PRMT7: variants seen among roughly 807,000 people sequenced by gnomAD.
PRMT7 encodes protein arginine methyltransferase 7, also known as protein arginine N-methyltransferase 7.
A neutral mutation model predicts 85.4 loss-of-function variants in PRMT7; 75 were observed. The observed-to-expected ratio is 0.88, with a 90% confidence interval of 0.73 to 1.06. The LOEUF (loss-of-function observed/expected upper bound fraction) is 1.06. Among genes scored for constraint, PRMT7 ranks in the 50% least tolerant of loss-of-function variants. The pLI is 0.00. For missense variants in PRMT7, 868 were observed against 915.2 expected (o/e 0.95, Z 0.67); for synonymous variants, 397 against 359.5 (o/e 1.10, Z -1.18).
intron 14 of PRMT7, 81 bp from the exon 15 acceptor site, chr16:68,352,158 ACTGAGTGGC>A: frequency 3.6e-6 from 5 of 1,382,538 alleles, no homozygotes; most frequent in Non-Finnish European, 5.0e-6. Context: ...GACTTGAGTG[ACTGAGTGGC>A]CTGTTGCTTC....
In PRMT7 at chr16:68,357,485, C is replaced by G; in HGVS notation, c.*261C>G. On this transcript the variant is annotated 3_prime_UTR_variant, in exon 19 of 19. Coordinates refer to ENST00000441236, the MANE Select transcript of PRMT7 (RefSeq NM_019023.5). ...CCCCCCTGCTTGTGCTTCTGAGGTG[C>G]TGAGAATGCTCCAACACAGAGACAT... is the stretch of plus-strand genomic sequence containing the variant. 1 of 456,102 alleles carries G rather than the reference C, an allele frequency of 2.2e-6. No homozygotes were observed. Among genetic ancestry groups the G allele is most frequent in the African/African-American group, 2.0e-5 (1 of 50,332 alleles). 28.3% of individuals were successfully genotyped at this position (456,102 alleles called of 1,614,324 possible).
In PRMT7 at chr16:68,315,916, G is replaced by A. The variant is rs1210666507; in HGVS notation, c.-64G>A. 6.7e-6 allele frequency: 9 copies of A among 1,347,652 alleles called. No homozygotes were observed. Among genetic ancestry groups the A allele is most frequent in the Non-Finnish European group, 9.5e-6 (9 of 942,676 alleles). The allele number at this position is 1,347,652 out of a possible 1,614,324, so 83.5% of individuals were successfully genotyped here. A position where few individuals can be genotyped will look rare whatever the true frequency, so the allele number is the denominator to read the frequency against. On this transcript the variant is annotated 5_prime_UTR_variant, in exon 3 of 19. Coordinates refer to ENST00000441236, the MANE Select transcript of PRMT7 (RefSeq NM_019023.5). ...TAATAGATTTCTGACAGTCAGACTT[G>A]TCCACAAGAACTCAACTGGCAAGGC...
At chr16:68,329,354 T>C in intron 6 of PRMT7, 180 bp downstream of exon 6, 1 of 501,530 alleles carries the variant, frequency 2.0e-6, no homozygotes, top group Non-Finnish European at 3.6e-6. Context: ...TAGTTAAAAC[T>C]AGTCAACAAG....
At chr16:68,318,390 G>A (rs944511983) in intron 3 of PRMT7, among the ~76,000 whole-genome samples, 3 of 151,892 alleles carry the variant, frequency 2.0e-5, no homozygotes, top group African/African-American at 7.3e-5. Context: ...TAATAGAGAC[G>A]GGGTTTCACC....
intron 6 of PRMT7, among the ~76,000 whole-genome samples, chr16:68,334,769 C>CT (rs927537891): frequency 2.6e-5 from 4 of 152,032 alleles, no homozygotes; most frequent in African/African-American, 9.7e-5. Context: ...TTAAAATGCA[C>CT]TGGACCATAA....
intron 9 of PRMT7, among the ~76,000 whole-genome samples, chr16:68,344,445 G>A (rs779002408): frequency 7.2e-5 from 11 of 152,296 alleles, no homozygotes; most frequent in South Asian, 2.1e-4. Flanking sequence ...GCTCATCTCT[G>A]TTCCGGGCCC....
chr16:68,340,671 C>T (rs868185784), intron 9 of PRMT7, among the ~76,000 whole-genome samples: 13 of 152,008 alleles, frequency 8.6e-5, no homozygotes, highest in Admixed American at 2.6e-4. Context: ...AGTTTGCAAG[C>T]ACACTGTTGG....
intron 6 of PRMT7, among the ~76,000 whole-genome samples, chr16:68,331,443 CTT>C (rs1304028815): frequency 6.8e-6 from 1 of 148,082 alleles, no homozygotes; most frequent in Non-Finnish European, 1.5e-5. Context: ...ATTTAGTAAA[CTT>C]TTCATTTCTC....
chr16:68,311,276 C>T (rs2043615788), intron 1 of PRMT7, 177 bp downstream of exon 1: 3 of 400,206 alleles, frequency 7.5e-6, no homozygotes, highest in East Asian at 6.2e-5. Flanking sequence ...TCTAGGCTGG[C>T]CCCGGCTCTG....
chr16:68,355,626 C>A, intron 16 of PRMT7, 97 bp from the exon 17 acceptor site: 1 of 1,305,212 alleles, frequency 7.7e-7, no homozygotes, highest in Non-Finnish European at 1.0e-6. Flanking sequence ...ACGCACACCC[C>A]TTGTGACTGC....
intron 11 of PRMT7, among the ~76,000 whole-genome samples, 174 bp downstream of exon 11, chr16:68,346,454 G>A (rs2086389816): frequency 6.6e-6 from 1 of 152,200 alleles, no homozygotes. Flanking sequence ...GAGAGCCTGG[G>A]GCTGGACTTC....
intron 3 of PRMT7, among the ~76,000 whole-genome samples, chr16:68,320,025 G>A (rs988019479): frequency 7.9e-5 from 12 of 152,162 alleles, no homozygotes; most frequent in Non-Finnish European, 1.2e-4. Context: ...GCCCAGTGGG[G>A]TACCTGTCAC....
chr16:68,339,137 A>T (rs535602146), intron 7 of PRMT7, among the ~76,000 whole-genome samples, 185 bp from the exon 8 acceptor site: 54 of 152,328 alleles, frequency 3.5e-4, no homozygotes, highest in Middle Eastern at 6.8e-3. Context: ...TTTGAAATGT[A>T]GTACCCTTTT....
chr16:68,355,928 C>A (rs558623473), intron 17 of PRMT7, 45 bp downstream of exon 17: 3 of 1,496,830 alleles, frequency 2.0e-6, no homozygotes, highest in Middle Eastern at 2.2e-4. Flanking sequence ...CTGCTGCTTG[C>A]CCTTGGAGTT....
intron 9 of PRMT7, among the ~76,000 whole-genome samples, chr16:68,344,117 G>A (rs2085955485): frequency 6.6e-6 from 1 of 152,190 alleles, no homozygotes; most frequent in Non-Finnish European, 1.5e-5. Context: ...ACAGGCACTT[G>A]CCACTATGCA....
intron 9 of PRMT7, among the ~76,000 whole-genome samples, chr16:68,340,365 A>G (rs2085324604): frequency 1.3e-5 from 2 of 152,314 alleles, no homozygotes; most frequent in Admixed American, 6.5e-5. Flanking sequence ...GGCAGAGGAC[A>G]TGAAACACAG....
intron 5 of PRMT7, among the ~76,000 whole-genome samples, chr16:68,326,784 C>T (rs1328711512): frequency 1.3e-5 from 2 of 152,170 alleles, no homozygotes; most frequent in African/African-American, 4.8e-5. Context: ...AGGTCATCTT[C>T]AGTGTCCACT....
At position 68,330,325 on chromosome 16, in the gene PRMT7, G is replaced by C. The variant is rs118132654; in HGVS notation, c.391+1151G>C. Among the ~76,000 whole-genome samples the C allele has an allele frequency of 2.0e-5, 3 of 152,156 alleles. No homozygotes were observed. The East Asian group carries it at 5.8e-4, about 29-fold the overall frequency. On this transcript the variant is annotated intron_variant, in intron 6 of 18. Transcript: ENST00000441236. Reference sequence around the variant, plus strand: ...GGTGAAGTTATGGATAACACCATGGGTTTTTTCTAATTTTTTGTGGAGATA... The same window carrying C: ...GGTGAAGTTATGGATAACACCATGGCTTTTTTCTAATTTTTTGTGGAGATA...
intron 2 of PRMT7, among the ~76,000 whole-genome samples, chr16:68,313,639 A>G (rs2044272700): frequency 6.6e-6 from 1 of 152,214 alleles, no homozygotes; most frequent in Non-Finnish European, 1.5e-5. Flanking sequence ...TGTTGGACAC[A>G]GTTTTCTAAT....
Sources: gnomAD v4.1 joint callset for allele counts (sites outside exome capture counted in the v4.1 genomes callset) on GRCh38, gnomAD v4.1.1 for gene constraint, MANE v1.5 for transcripts, NCBI Gene and HGNC (gene_info 2026-07-23, HGNC 2026-07-21) for gene names.